The following EYA1 variants were observed in gnomAD, a reference collection of about 807,000 sequenced individuals.
EYA1 encodes the protein protein phosphatase EYA1.
EYA1 carries 16 observed loss-of-function variants against 82.0 expected under a neutral mutation model. That is an observed-to-expected ratio of 0.20 (90% CI 0.13 to 0.30). The LOEUF is 0.30. Ranked by LOEUF, EYA1 falls within the 10% of genes least tolerant of loss-of-function variation. The pLI, the probability that EYA1 is intolerant of heterozygous loss-of-function variation, is 1.00. For synonymous variants in EYA1, 261 were observed against 264.4 expected (o/e 0.99, Z 0.12); for missense variants, 633 against 730.7 (o/e 0.87, Z 1.54).
chr8:71,237,024 T>C (rs1382567894), intron 12 of EYA1, among the ~76,000 whole-genome samples: 4 of 152,158 alleles, frequency 2.6e-5, no homozygotes, highest in Admixed American at 6.5e-5. Flanking sequence ...GCCTATTTCA[T>C]GTGCAAGAGG....
chr8:71,296,846 C>A lies in EYA1; in HGVS notation c.826+2201G>T, dbSNP rs140012707. On this transcript the variant is annotated intron_variant, in intron 9 of 17. Transcript: ENST00000340726. Reference sequence around the variant, plus strand: ...TTTTATATACGACTACTAAGAAAGACAAGTTAATGCCAAAAAACTTAGCCT... The same window carrying A: ...TTTTATATACGACTACTAAGAAAGAAAAGTTAATGCCAAAAAACTTAGCCT... Among the ~76,000 whole-genome samples the A allele has an allele frequency of 1.4e-3, 220 of 152,168 alleles. No individual in the cohort carries two copies. The East Asian group carries it at 0.016, about 11-fold the overall frequency.
At chr8:71,290,932 C>T (rs766319626) in intron 9 of EYA1, among the ~76,000 whole-genome samples, 19 of 152,054 alleles carry the variant, frequency 1.2e-4, no homozygotes, top group Non-Finnish European at 2.2e-4. Flanking sequence ...ATTTGTTTTG[C>T]CGACAAATGT....
At chr8:71,261,865 TTCCTAC>T (rs1815154966) in intron 11 of EYA1, among the ~76,000 whole-genome samples, 1 of 152,240 alleles carries the variant, frequency 6.6e-6, no homozygotes, top group African/African-American at 2.4e-5. Flanking sequence ...ACCTCCCTCC[TTCCTAC>T]AGAGTGTTCC....
chr8:71,510,134 G>A (rs562652966), intron 2 of EYA1, among the ~76,000 whole-genome samples: 2 of 152,156 alleles, frequency 1.3e-5, no homozygotes, highest in South Asian at 4.1e-4. Context: ...TAGCAAACAT[G>A]ATACTAGCAG....
intron 11 of EYA1, among the ~76,000 whole-genome samples, chr8:71,248,127 T>C (rs558781508): frequency 2.0e-5 from 3 of 152,360 alleles, no homozygotes; most frequent in South Asian, 2.1e-4. Context: ...TTCAGTCTAG[T>C]GGTAAAATAC....
At chr8:71,363,157 G>A (rs1169863347), upstream of EYA1, among the ~76,000 whole-genome samples, 5 of 151,762 alleles carry the variant, frequency 3.3e-5, no homozygotes, top group East Asian at 7.7e-4. Flanking sequence ...AAAAAAAAGC[G>A]TCCTCATTTT....
chr8:71,259,744 T>C (rs531420863), intron 11 of EYA1, among the ~76,000 whole-genome samples: 2 of 152,336 alleles, frequency 1.3e-5, no homozygotes, highest in Admixed American at 1.3e-4. Context: ...ACCTGTTGTT[T>C]ATCTCTTTTG....
intron 12 of EYA1, among the ~76,000 whole-genome samples, chr8:71,238,520 T>G (rs1235580071): frequency 6.6e-6 from 1 of 152,146 alleles, no homozygotes; most frequent in African/African-American, 2.4e-5. Context: ...ACAGGTTTAT[T>G]CATATATTCT....
chr8:71,340,382 T>G (rs1285215939), intron 3 of EYA1, among the ~76,000 whole-genome samples: 1 of 152,222 alleles, frequency 6.6e-6, no homozygotes, highest in African/African-American at 2.4e-5. Context: ...CTTTCCTGTG[T>G]GGCACTATTA....
intron 11 of EYA1, among the ~76,000 whole-genome samples, chr8:71,267,863 A>G (rs1052175007): frequency 1.3e-5 from 2 of 152,334 alleles, no homozygotes; most frequent in East Asian, 3.9e-4. Flanking sequence ...AAAACTTTTT[A>G]TCACATGACC....
At chr8:71,219,824 C>T (rs1809672511) in intron 12 of EYA1, among the ~76,000 whole-genome samples, 2 of 152,178 alleles carry the variant, frequency 1.3e-5, no homozygotes, top group Non-Finnish European at 2.9e-5. Flanking sequence ...GAAACTCAGC[C>T]TCTTCTGTGG....
At chr8:71,270,394 T>C (rs1816376790) in intron 10 of EYA1, among the ~76,000 whole-genome samples, 1 of 152,226 alleles carries the variant, frequency 6.6e-6, no homozygotes, top group Admixed American at 6.5e-5. Context: ...CTTTAGGGTA[T>C]AGATATTTAA....
intron 12 of EYA1, among the ~76,000 whole-genome samples, chr8:71,223,367 A>G (rs555627624): frequency 6.6e-6 from 1 of 152,270 alleles, no homozygotes; most frequent in South Asian, 2.1e-4. Context: ...AATTGAAATG[A>G]CCATGGTCTA....
At chr8:71,454,573 C>T (rs965606902) in intron 2 of EYA1, among the ~76,000 whole-genome samples, 1 of 152,206 alleles carries the variant, frequency 6.6e-6, no homozygotes, top group Non-Finnish European at 1.5e-5. Context: ...AACTGTCTCT[C>T]AGACCACAGT....
intron 2 of EYA1, among the ~76,000 whole-genome samples, chr8:71,368,213 T>TA (rs778345171): frequency 1.9e-4 from 28 of 149,666 alleles, no homozygotes; most frequent in Non-Finnish European, 3.3e-4. Flanking sequence ...CCCTGGTTGA[T>TA]AGAGAGTTAC....
intron 2 of EYA1, among the ~76,000 whole-genome samples, chr8:71,444,172 C>G (rs1806665209): frequency 1.3e-5 from 2 of 152,172 alleles, no homozygotes; most frequent in South Asian, 4.1e-4. Flanking sequence ...ACTTAGGTGA[C>G]CAGTGTACAT....
At chr8:71,416,886 G>C (rs971768466) in intron 2 of EYA1, among the ~76,000 whole-genome samples, 3 of 152,184 alleles carry the variant, frequency 2.0e-5, no homozygotes, top group Non-Finnish European at 4.4e-5. Context: ...GCAAAGTATT[G>C]TTTCTGGGTG....
intron 2 of EYA1, among the ~76,000 whole-genome samples, chr8:71,433,903 C>T (rs1805810898): frequency 6.6e-6 from 1 of 152,234 alleles, no homozygotes; most frequent in African/African-American, 2.4e-5. Context: ...TGGCTGTAGA[C>T]ATTCAGCTAA....
At chr8:71,214,231 T>C (rs1463967982) in intron 16 of EYA1, among the ~76,000 whole-genome samples, 2 of 152,074 alleles carry the variant, frequency 1.3e-5, no homozygotes, top group African/African-American at 4.8e-5. Context: ...CTCCTTAGGG[T>C]GATATACAAC....
Sources: gnomAD v4.1 joint callset for allele counts (sites outside exome capture counted in the v4.1 genomes callset) on GRCh38, gnomAD v4.1.1 for gene constraint, MANE v1.5 for transcripts, NCBI Gene and HGNC (gene_info 2026-07-23, HGNC 2026-07-21) for gene names.